ZNF444: variants seen among roughly 807,000 people sequenced by gnomAD.
ZNF444 encodes endothelial zinc finger protein 2.
Under a neutral mutation model 14.4 loss-of-function variants are expected in ZNF444, and 8 were observed. The ratio of observed to expected loss-of-function variants is 0.56; its 90% confidence interval spans 0.33 to 1.00. The LOEUF is 1.00. Among genes scored for constraint, ZNF444 ranks in the 50% least tolerant of loss-of-function variants. The pLI is 0.03. For missense variants in ZNF444, 510 were observed against 504.8 expected (o/e 1.01, Z -0.10); for synonymous variants, 258 against 235.9 (o/e 1.09, Z -0.86).
chr19:56,137,251 A>G (rs1237286410), upstream of ZNF444, among the ~76,000 whole-genome samples: 1 of 150,758 alleles, frequency 6.6e-6, no homozygotes. Context: ...CGGGCGGATT[A>G]CCTGAGGTCA....
intron 2 of ZNF444, 84 bp from the exon 3 acceptor site, chr19:56,146,806 A>C: frequency 1.9e-6 from 2 of 1,064,260 alleles, no homozygotes; most frequent in African/African-American, 1.7e-5. Flanking sequence ...AAAGTAAAAA[A>C]AAAGAGCGTT....
Position 56,147,131 on chromosome 19 carries a change from G to A in ZNF444, c.220G>A (p.Ala74Thr), listed in dbSNP as rs924316183. 6 of 1,556,490 alleles carry A rather than the reference G, an allele frequency of 3.9e-6. No homozygotes were observed. Among genetic ancestry groups the A allele is most frequent in the East Asian group, 2.4e-5 (1 of 41,244 alleles). Residue 74 changes from alanine to threonine, a missense_variant, in exon 3 of 5, where the codon GCC becomes ACC. Physicochemically the swap from Ala to Thr is moderately conservative, Grantham distance 58. Coordinates refer to ENST00000337080, the MANE Select transcript of ZNF444 (RefSeq NM_018337.4). This position sits in a 1 kb window ranked among gnomAD's most constrained non-coding sequence, Gnocchi z 5.9. ...VLEQFLSALP[A>T]DTQAWVCSRQ... ...GGAACAGTTCCTGAGCGCGCTGCCC[G>A]CCGACACGCAGGCCTGGGTGTGCAG...
chr19:56,158,308 G>C, intron 3 of ZNF444, 186 bp from the exon 4 acceptor site: 1 of 524,742 alleles, frequency 1.9e-6, no homozygotes, highest in East Asian at 3.5e-5. Flanking sequence ...CTGGCAGGGG[G>C]TTGGCAGGAG....
At chr19:56,156,171 C>G (rs1023922886) in intron 3 of ZNF444, 1 of 152,252 alleles carries the variant, frequency 6.6e-6, no homozygotes, top group African/African-American at 2.4e-5. Context: ...GGGTTCCGAG[C>G]GCAGGGGCCT....
At chr19:56,133,811 T>C (rs1415727384) in intron 1 of ZNF444, among the ~76,000 whole-genome samples, 1 of 9,796 alleles carries the variant, frequency 1.0e-4, no homozygotes, top group Non-Finnish European at 3.7e-4. Context: ...AGACTCCATC[T>C]CAAAAAAAAA....
In ZNF444 at chr19:56,144,781, G is replaced by A. The variant is rs1037805739; in HGVS notation, c.-196-1466G>A. The stretch of plus-strand genomic sequence containing the variant: ...ACAGTCCAAGCTGCTGTAATGAAGA[G>A]ACCCCAAGTACAGGGCTCCACATAG... On this transcript the variant is annotated intron_variant, in intron 1 of 4. Coordinates refer to ENST00000337080, the MANE Select transcript of ZNF444 (RefSeq NM_018337.4). This position sits in a 1 kb window ranked among gnomAD's most constrained non-coding sequence, Gnocchi z 4.0. Among the ~76,000 whole-genome samples, 1 of 152,174 alleles carries A rather than the reference G, an allele frequency of 6.6e-6. No individual in the cohort carries two copies. The highest frequency in any genetic ancestry group is 1.5e-5 in the Non-Finnish European group (1 of 68,028).
upstream of ZNF444, chr19:56,141,059 A>C (rs1189204384): frequency 6.6e-6 from 1 of 152,074 alleles, no homozygotes; most frequent in African/African-American, 2.4e-5. Context: ...TATCTTGGGA[A>C]ATGTAGTTCC....
chr19:56,156,717 C>T (rs1297180374), intron 3 of ZNF444: 1 of 152,244 alleles, frequency 6.6e-6, no homozygotes, highest in African/African-American at 2.4e-5. Context: ...AGTCATGAGC[C>T]AGGAGCCGTG....
rs531556902 is a variant in ZNF444 at position 56,146,380 on chromosome 19, C to G, written c.-63C>G. 8.4e-4 allele frequency: 129 copies of G among 152,842 alleles called. 1 individual carries two copies. The highest frequency in any genetic ancestry group is 1.3e-3 in the Non-Finnish European group (91 of 68,448). The allele number at this position is 152,842 out of a possible 1,614,324, so 9.5% of individuals were successfully genotyped here. ...CTCACCACCCGAGTGAGCGCTGCCC[C>G]CTCACAGAGACCTCTTTGCCCCCTG... is the stretch of plus-strand genomic sequence containing the variant. On this transcript the variant is annotated 5_prime_UTR_variant, in exon 2 of 5. Coordinates refer to ENST00000337080, the MANE Select transcript of ZNF444 (RefSeq NM_018337.4).
At position 56,158,561 on chromosome 19, in the gene ZNF444, G is replaced by A; in HGVS notation, c.365G>A (p.Gly122Glu). 1 of 1,611,998 alleles carries A rather than the reference G, an allele frequency of 6.2e-7. No homozygotes were observed. Residue 122 changes from glycine (G) to glutamate (E), a missense_variant, in exon 4 of 5, where the codon GGG (glycine) becomes GAG (glutamate). Gly to Glu is a moderately conservative substitution (Grantham distance 98). Transcript: ENST00000337080. The stretch of plus-strand genomic sequence containing the variant: ...CCTCAGGATGTGACGCAGGGCCCTG[G>A]GGCCACAGGTGGAAAGGAGGACAGT... The part of the protein sequence containing the change: ...RVPQDVTQGP[G>E]ATGGKEDSGM...
chr19:56,159,708 C>A lies in ZNF444; in HGVS notation c.491C>A (p.Pro164Gln), dbSNP rs753625084. 34 of 1,551,932 alleles carry A rather than the reference C, an allele frequency of 2.2e-5. No individual in the cohort carries two copies. Among genetic ancestry groups the A allele is most frequent in the Admixed American group, 1.9e-5 (1 of 52,702 alleles). ...TACAAGCAGGAGCCCAGCAGCCCCC[C>A]GCTGGCGCCTGGCCTGCCCGCCTTC... ...RPYKQEPSSP[P>Q]LAPGLPAFLA... Residue 164 changes from proline to glutamine, a missense_variant, in exon 5 of 5, where the codon CCG (proline) becomes CAG (glutamine). By Grantham distance (76) the Pro-to-Gln change is moderately conservative (BLOSUM62 -1). Transcript: ENST00000337080.
intron 1 of ZNF444, among the ~76,000 whole-genome samples, chr19:56,134,658 C>T (rs1397753934): frequency 1.3e-5 from 2 of 152,028 alleles, no homozygotes; most frequent in East Asian, 1.9e-4. Flanking sequence ...TCCAGGAAGT[C>T]GTTCCTTCAT....
Position 56,151,727 on chromosome 19 carries a change from G to A in ZNF444, c.297+4519G>A, listed in dbSNP as rs533494514. On this transcript the variant is annotated intron_variant, in intron 3 of 4. Transcript: ENST00000337080. ...TGGCATCTGGTCTGTGGGAGCTGACGGTGGTGTATAGACAGCTGACATCTG... is the reference window on the plus strand; with the variant it reads ...TGGCATCTGGTCTGTGGGAGCTGACAGTGGTGTATAGACAGCTGACATCTG... 331 of 447,490 alleles carry A rather than the reference G, an allele frequency of 7.4e-4. 5 individuals carry two copies. The highest frequency in any genetic ancestry group is 5.0e-3 in the South Asian group (321 of 63,980). 27.7% of individuals were successfully genotyped at this position (447,490 alleles called of 1,614,324 possible). A position where few individuals can be genotyped will look rare whatever the true frequency, so the allele number is the denominator to read the frequency against.
At chr19:56,149,953 TC>T (rs1462515365) in intron 3 of ZNF444, 4 of 157,626 alleles carry the variant, frequency 2.5e-5, no homozygotes, top group African/African-American at 9.6e-5. Flanking sequence ...ATCCACAGAG[TC>T]CTTGTTGCCC....
chr19:56,147,575 G>T lies in ZNF444; in HGVS notation c.297+367G>T, dbSNP rs2031278645. Among the ~76,000 whole-genome samples, 2 of 152,140 alleles carry T rather than the reference G, an allele frequency of 1.3e-5. No individual in the cohort carries two copies. Among genetic ancestry groups the T allele is most frequent in the Admixed American group, 6.5e-5 (1 of 15,282 alleles). ...TCCTCTCCCCGCACCCCGCCCGCAC[G>T]CAGGGGGTCTTGCCGGCCAGGAATT... On this transcript the variant is annotated intron_variant, in intron 3 of 4. Transcript: ENST00000337080. This position sits in a 1 kb window ranked among gnomAD's most constrained non-coding sequence, Gnocchi z 5.9.
chr19:56,137,985 G>A (rs1425765336), upstream of ZNF444, among the ~76,000 whole-genome samples: 7 of 152,008 alleles, frequency 4.6e-5, no homozygotes, highest in East Asian at 1.2e-3. Flanking sequence ...TTAGCTGGGT[G>A]TGGTGGCGGG....
intron 3 of ZNF444, chr19:56,150,577 C>A: frequency 2.3e-6 from 1 of 429,912 alleles, no homozygotes; most frequent in Non-Finnish European, 4.7e-6. Flanking sequence ...TTTCCCATGA[C>A]CTCTCTCTCT....
Position 56,160,298 on chromosome 19 carries a change from C to A in ZNF444, c.*97C>A. 1 of 1,007,412 alleles carries A rather than the reference C, an allele frequency of 9.9e-7. No individual in the cohort carries two copies. Among genetic ancestry groups the A allele is most frequent in the Non-Finnish European group, 1.3e-6 (1 of 742,322 alleles). The allele number at this position is 1,007,412 out of a possible 1,614,324, so 62.4% of individuals were successfully genotyped here. A position where few individuals can be genotyped will look rare whatever the true frequency, so the allele number is the denominator to read the frequency against. On this transcript the variant is annotated 3_prime_UTR_variant, in exon 5 of 5. Transcript: ENST00000337080. ...ACTTGGCCTCTTCCTCTCCTCCTTC[C>A]CTCCCATCGTCCTCCTCCACCTGCG...
chr19:56,142,588 G>A (rs1403635551), intron 1 of ZNF444, among the ~76,000 whole-genome samples: 1 of 152,216 alleles, frequency 6.6e-6, no homozygotes, highest in African/African-American at 2.4e-5. Context: ...TGCCATTAAT[G>A]TCGAGGTTGG....
Sources: gnomAD v4.1 joint callset for allele counts (sites outside exome capture counted in the v4.1 genomes callset) on GRCh38, gnomAD v4.1.1 for gene constraint, Gnocchi (gnomAD v3.1) non-coding constraint, MANE v1.5 for transcripts, NCBI Gene and HGNC (gene_info 2026-07-23, HGNC 2026-07-21) for gene names.